Variants in FAM178B observed in about 807,000 individuals in gnomAD.
FAM178B encodes protein FAM178B.
A neutral mutation model predicts 91.7 loss-of-function variants in FAM178B; 82 were observed. That is an observed-to-expected ratio of 0.89 (90% confidence interval 0.75 to 1.07). The LOEUF is 1.07. FAM178B is among the 50% of genes least tolerant of loss of function. The pLI, the probability that FAM178B is intolerant of heterozygous loss-of-function variation, is 0.00. For synonymous variants in FAM178B, 368 were observed against 359.4 expected (o/e 1.02, Z -0.27); for missense variants, 769 against 846.7 (o/e 0.91, Z 1.14).
intron 8 of FAM178B, among the ~76,000 whole-genome samples, chr2:96,937,752 G>A (rs574610229): frequency 6.6e-5 from 10 of 152,304 alleles, no homozygotes; most frequent in Non-Finnish European, 8.8e-5. Context: ...TGGGCTGGGC[G>A]CGGGGGCTCA....
intron 8 of FAM178B, among the ~76,000 whole-genome samples, chr2:96,943,575 A>G (rs1345936611): frequency 1.3e-5 from 2 of 152,174 alleles, no homozygotes; most frequent in Admixed American, 1.3e-4. Context: ...AAACTACTGA[A>G]TCTTACATTT....
rs557125216 is a variant in FAM178B at position 96,876,395 on chromosome 2, T to A, written c.2008-87A>T. The stretch of plus-strand genomic sequence containing the variant: ...AGCTCCCCGGGCTGGCGGTGTCCAT[T>A]CAGCACCCATCGCAGGCTCATGCCA... On this transcript the variant is annotated intron_variant, in intron 16 of 16. Coordinates refer to ENST00000490605, the MANE Select transcript of FAM178B (RefSeq NM_001122646.3). 1.6e-5 allele frequency: 24 copies of A among 1,506,170 alleles called. No homozygotes were observed. In the African/African-American group the frequency reaches 3.3e-4, roughly 21 times the overall value. 93.3% of individuals were successfully genotyped at this position (1,506,170 alleles called of 1,614,324 possible).
chr2:96,959,328 C>A (rs867560074), intron 6 of FAM178B, among the ~76,000 whole-genome samples: 28 of 151,358 alleles, frequency 1.8e-4, no homozygotes, highest in Middle Eastern at 3.4e-3. Context: ...TGTGGAGGGA[C>A]GTTATATGGT....
intron 4 of FAM178B, 147 bp downstream of exon 4, chr2:96,970,569 C>T: frequency 1.8e-6 from 1 of 558,524 alleles, no homozygotes; most frequent in Non-Finnish European, 3.1e-6. Flanking sequence ...GCCCTGGCGA[C>T]CTGCCTGTTA....
rs2082159003 is a variant in FAM178B at position 96,967,520 on chromosome 2, C to T, written c.734G>A (p.Arg245Lys). 6.5e-7 allele frequency: 1 copy of T among 1,540,368 alleles called. No individual in the cohort carries two copies. Among genetic ancestry groups the T allele is most frequent in the Admixed American group, 2.0e-5 (1 of 50,978 alleles). ...CTGGTGCCAGGCCCCTGCCCCTCAC[C>T]TGTGCTCGGGTGTGAGTGGCACTTC... Reference protein sequence around the residue: ...EEEVPLTPEHRMLVEKYSVSL... With the variant: ...EEEVPLTPEHKMLVEKYSVSL... The change falls in exon 5 of 17, where the codon AGG becomes AAG. Residue 245 changes from arginine to lysine, a missense_variant and splice_region_variant. By Grantham distance (26) the Arg-to-Lys change is conservative. Coordinates refer to ENST00000490605, the MANE Select transcript of FAM178B (RefSeq NM_001122646.3).
At chr2:96,904,062 T>C (rs920072872) in intron 12 of FAM178B, among the ~76,000 whole-genome samples, 15 of 152,044 alleles carry the variant, frequency 9.9e-5, no homozygotes, top group Non-Finnish European at 1.3e-4. Flanking sequence ...TGGCAGGATA[T>C]TGATGGGTGC....
chr2:96,940,011 A>G (rs7594227), intron 8 of FAM178B, among the ~76,000 whole-genome samples: 44,154 of 152,164 alleles, frequency 0.29, 12,007 homozygotes, highest in African/African-American at 0.72. Context: ...CTTTGAAAGG[A>G]CTATGCCAAG....
intron 12 of FAM178B, among the ~76,000 whole-genome samples, chr2:96,911,584 G>A (rs1167958790): frequency 6.6e-6 from 1 of 152,208 alleles, no homozygotes; most frequent in African/African-American, 2.4e-5. Flanking sequence ...TCAGCAATGC[G>A]AACACATGAG....
chr2:96,948,767 G>A (rs1023744645), intron 7 of FAM178B, among the ~76,000 whole-genome samples: 7 of 152,198 alleles, frequency 4.6e-5, no homozygotes, highest in African/African-American at 1.7e-4. Context: ...CCTTGACCTT[G>A]GAGGGAGCAC....
At chr2:96,967,382 A>G in intron 5 of FAM178B, 138 bp downstream of exon 5, 1 of 598,704 alleles carries the variant, frequency 1.7e-6, no homozygotes, top group Non-Finnish European at 3.0e-6. Flanking sequence ...TGGCTTTAAG[A>G]GAAAGAGGTA....
At chr2:96,966,483 C>T (rs528108912) in intron 5 of FAM178B, among the ~76,000 whole-genome samples, 6 of 147,564 alleles carry the variant, frequency 4.1e-5, no homozygotes, top group Admixed American at 6.8e-5. Flanking sequence ...TGCTTGTCTC[C>T]GGAAGGAAAG....
chr2:96,908,563 A>G (rs1297157077), intron 12 of FAM178B, among the ~76,000 whole-genome samples: 1 of 152,164 alleles, frequency 6.6e-6, no homozygotes, highest in Non-Finnish European at 1.5e-5. Flanking sequence ...CAAAACAGGT[A>G]AAATGAATCT....
intron 12 of FAM178B, among the ~76,000 whole-genome samples, chr2:96,910,010 A>C (rs973353008): frequency 2.6e-5 from 4 of 152,188 alleles, no homozygotes; most frequent in African/African-American, 9.7e-5. Flanking sequence ...TTCATGCCGA[A>C]CCCAGCCTAT....
chr2:96,938,291 C>G (rs1374798993), intron 8 of FAM178B, among the ~76,000 whole-genome samples: 1 of 152,200 alleles, frequency 6.6e-6, no homozygotes, highest in Admixed American at 6.5e-5. Flanking sequence ...AGGGAACGAA[C>G]TCACCTGGGC....
At chr2:96,900,452 C>T (rs1165785966) in intron 13 of FAM178B, among the ~76,000 whole-genome samples, 4 of 152,136 alleles carry the variant, frequency 2.6e-5, no homozygotes, top group African/African-American at 4.8e-5. Flanking sequence ...CGCCAGGTGC[C>T]GAGGGGCAGC....
chr2:96,963,910 G>C (rs560328853), intron 5 of FAM178B, among the ~76,000 whole-genome samples: 1 of 152,336 alleles, frequency 6.6e-6, no homozygotes, highest in East Asian at 1.9e-4. Flanking sequence ...GGTGGCTCAC[G>C]CCTGTAATCC....
chr2:96,949,686 C>A (rs1257021), intron 7 of FAM178B, among the ~76,000 whole-genome samples: 74,383 of 152,122 alleles, frequency 0.49, 22,365 homozygotes, highest in Non-Finnish European at 0.69. Context: ...CCCCCCAAAG[C>A]CAGTGCACCC....
Position 96,981,256 on chromosome 2 carries a change from G to A in FAM178B, c.73+4985C>T, listed in dbSNP as rs577635355. On this transcript the variant is annotated intron_variant, in intron 1 of 16. Transcript: ENST00000490605. ...GCTAGGATTACAGGTGTGAGCCACCGCGCCCAACTCACTCTTTTTTGGTAA... is the reference window on the plus strand; with the variant it reads ...GCTAGGATTACAGGTGTGAGCCACCACGCCCAACTCACTCTTTTTTGGTAA... 2.9e-4 allele frequency among the ~76,000 whole-genome samples: 44 copies of A among 152,210 alleles called. 1 individual carries two copies. The highest frequency in any genetic ancestry group is 9.4e-4 in the African/African-American group (39 of 41,532).
chr2:96,981,602 G>A (rs1270961835), intron 1 of FAM178B, among the ~76,000 whole-genome samples: 5 of 151,856 alleles, frequency 3.3e-5, no homozygotes, highest in East Asian at 3.9e-4. Context: ...TCAGCCAGGC[G>A]TGGTGGTGGA....
Sources: gnomAD v4.1 joint callset for allele counts (sites outside exome capture counted in the v4.1 genomes callset) on GRCh38, gnomAD v4.1.1 for gene constraint, MANE v1.5 for transcripts, NCBI Gene and HGNC (gene_info 2026-07-23, HGNC 2026-07-21) for gene names.